Variants in IL15 observed in about 807,000 individuals in gnomAD.
IL15 encodes the protein interleukin 15, also known as interleukin-15.
A neutral mutation model predicts 19.6 loss-of-function variants in IL15; 11 were observed. That is an observed-to-expected ratio of 0.56 (90% confidence interval 0.35 to 0.93). IL15 has a LOEUF of 0.93. IL15 is among the 40% of genes least tolerant of loss of function. IL15 has a pLI of 0.01. For synonymous variants in IL15, 58 were observed against 59.6 expected, an observed-to-expected ratio of 0.97 and a Z score of 0.12; for missense variants, 197 against 186.5, an observed-to-expected ratio of 1.06 and a Z score of -0.33.
Position 141,733,006 on chromosome 4 carries a change from A to C in IL15, c.*158A>C. On this transcript the variant is annotated 3_prime_UTR_variant, in exon 8 of 8. Coordinates refer to ENST00000320650, the MANE Select transcript of IL15 (RefSeq NM_000585.5). ...GGATCAGATGAACTCTTAGAAATGAAGGCAGAAAAATGTCATTGAGTAATA... is the reference window on the plus strand; with the variant it reads ...GGATCAGATGAACTCTTAGAAATGACGGCAGAAAAATGTCATTGAGTAATA... The C allele has an allele frequency of 8.4e-7, 1 of 1,186,836 alleles. No individual in the cohort carries two copies. The highest frequency in any genetic ancestry group is 1.1e-6 in the Non-Finnish European group (1 of 892,862). 73.5% of individuals were successfully genotyped at this position (1,186,836 alleles called of 1,614,324 possible). A position where few individuals can be genotyped will look rare whatever the true frequency, so the allele number is the denominator to read the frequency against.
At chr4:141,721,803 A>G in intron 4 of IL15, 121 bp from the exon 5 acceptor site, 1 of 845,252 alleles carries the variant, frequency 1.2e-6, no homozygotes, top group East Asian at 2.5e-5. Context: ...GCACAGAAGC[A>G]AGGATAACAC....
chr4:141,650,397 A>T (rs367836421), intron 1 of IL15, among the ~76,000 whole-genome samples: 1 of 152,078 alleles, frequency 6.6e-6, no homozygotes, highest in Admixed American at 6.6e-5. Flanking sequence ...TAGTCAATAC[A>T]TATGGAGGTG....
chr4:141,720,557 T>G lies in IL15; in HGVS notation c.101T>G (p.Phe34Cys). ...CTAACTGAAGCTGGCATTCATGTCT[T>G]CATTTTGGGGTAATTTTATCTTTAG... ...HFLTEAGIHV[F>C]ILGCFSAGLP... The change falls in exon 4 of 8, where the codon TTC becomes TGC. Residue 34 changes from phenylalanine to cysteine, a missense_variant. Phe to Cys is a radical substitution (Grantham distance 205). Coordinates refer to ENST00000320650, the MANE Select transcript of IL15 (RefSeq NM_000585.5). The G allele has an allele frequency of 6.6e-7, 1 of 1,522,304 alleles. No homozygotes were observed. The highest frequency in any genetic ancestry group is 2.3e-5 in the East Asian group (1 of 44,308). 94.3% of individuals were successfully genotyped at this position (1,522,304 alleles called of 1,614,324 possible).
At chr4:141,722,617 T>C (rs1730127881) in intron 5 of IL15, among the ~76,000 whole-genome samples, 2 of 152,176 alleles carry the variant, frequency 1.3e-5, no homozygotes, top group African/African-American at 4.8e-5. Context: ...GAAGCCAAGA[T>C]ACAATTGGAA....
At chr4:141,703,941 A>G (rs1029829162) in intron 2 of IL15, among the ~76,000 whole-genome samples, 1 of 152,120 alleles carries the variant, frequency 6.6e-6, no homozygotes, top group Non-Finnish European at 1.5e-5. Context: ...TGAATTTGTT[A>G]ATTTTAAAAG....
chr4:141,704,620 T>C (rs1299885388), intron 2 of IL15: 2 of 372,316 alleles, frequency 5.4e-6, no homozygotes, highest in South Asian at 2.1e-5. Flanking sequence ...GGAGAATTGG[T>C]GTTAGTACTT....
At chr4:141,643,830 C>T (rs1727132118) in intron 1 of IL15, among the ~76,000 whole-genome samples, 1 of 151,940 alleles carries the variant, frequency 6.6e-6, no homozygotes, top group South Asian at 2.1e-4. Flanking sequence ...GACCTCTCCC[C>T]TGAACTCCAG....
chr4:141,677,506 A>G (rs1419104365), intron 2 of IL15, among the ~76,000 whole-genome samples: 1 of 152,040 alleles, frequency 6.6e-6, no homozygotes, highest in Non-Finnish European at 1.5e-5. Context: ...TTACAGGTAG[A>G]TTTTTGTCTT....
chr4:141,665,268 T>C (rs1419865140), intron 2 of IL15, among the ~76,000 whole-genome samples: 2 of 152,110 alleles, frequency 1.3e-5, no homozygotes, highest in Non-Finnish European at 2.9e-5. Context: ...GACACCCAAA[T>C]GCTAAACGTT....
chr4:141,695,529 C>G (rs914196032), intron 2 of IL15, among the ~76,000 whole-genome samples: 1 of 151,802 alleles, frequency 6.6e-6, no homozygotes, highest in Non-Finnish European at 1.5e-5. Context: ...AATAGTGCTG[C>G]GATAAACATG....
At chr4:141,713,214 A>G (rs17007564) in intron 2 of IL15, among the ~76,000 whole-genome samples, 3,236 of 152,278 alleles carry the variant, frequency 0.021, 123 homozygotes, top group African/African-American at 0.073. Context: ...GCGATTAATG[A>G]TAGGAAGATT....
chr4:141,653,853 CAA>C (rs1158532435), intron 1 of IL15, among the ~76,000 whole-genome samples: 1 of 152,154 alleles, frequency 6.6e-6, no homozygotes, highest in South Asian at 2.1e-4. Flanking sequence ...CCATAGAACA[CAA>C]GTCTCATGAG....
At chr4:141,722,450 T>C (rs1380998162) in intron 5 of IL15, among the ~76,000 whole-genome samples, 1 of 152,130 alleles carries the variant, frequency 6.6e-6, no homozygotes, top group Non-Finnish European at 1.5e-5. Flanking sequence ...GCACCAAGCA[T>C]ACCAAAATAG....
Position 141,666,116 on chromosome 4 carries a change from T to A in IL15, c.-100+9809T>A, listed in dbSNP as rs202070917. On this transcript the variant is annotated intron_variant, in intron 2 of 7. Coordinates refer to ENST00000320650, the MANE Select transcript of IL15 (RefSeq NM_000585.5). ...TATTTATTTATTTATTTATTTATTT[T>A]TTGAGACGGAGTCTCGCTCTGTCGC... Among the ~76,000 whole-genome samples the A allele has an allele frequency of 5.7e-3, 147 of 25,604 alleles. 1 individual carries two copies. Among genetic ancestry groups the A allele is most frequent in the African/African-American group, 0.019 (131 of 6,724 alleles). 16.8% of individuals were successfully genotyped at this position (25,604 alleles called of 152,430 possible). A position where few individuals can be genotyped will look rare whatever the true frequency, so the allele number is the denominator to read the frequency against.
chr4:141,694,744 A>G (rs937578249), intron 2 of IL15, among the ~76,000 whole-genome samples: 3 of 152,108 alleles, frequency 2.0e-5, no homozygotes, highest in South Asian at 2.1e-4. Flanking sequence ...CCCCTTCTCA[A>G]CATCTTGATA....
intron 2 of IL15, among the ~76,000 whole-genome samples, chr4:141,701,876 T>C (rs1729332867): frequency 6.6e-6 from 1 of 152,210 alleles, no homozygotes; most frequent in African/African-American, 2.4e-5. Flanking sequence ...TGTGTAGGAA[T>C]GTTGATGCTC....
intron 2 of IL15, among the ~76,000 whole-genome samples, chr4:141,657,273 T>G (rs936862059): frequency 6.6e-6 from 1 of 152,166 alleles, no homozygotes; most frequent in Non-Finnish European, 1.5e-5. Context: ...TTTACAATAC[T>G]GGAAGCTGCT....
rs35221404 is a variant in IL15 at position 141,720,505 on chromosome 4, T to A, written c.49T>A (p.Leu17Met). The A allele has an allele frequency of 2.7e-5, 43 of 1,598,732 alleles. No homozygotes were observed. The African/African-American group carries it at 4.0e-4, about 15-fold the overall frequency. The change falls in exon 4 of 8, where the codon TTG (leucine) becomes ATG (methionine). Residue 17 changes from leucine to methionine, a missense_variant. Physicochemically the swap from Leu to Met is conservative, Grantham distance 15. Coordinates refer to ENST00000320650, the MANE Select transcript of IL15 (RefSeq NM_000585.5). ...GAGAAGTATTTCCATCCAGTGCTAC[T>A]TGTGTTTACTTCTAAACAGTCATTT... ...HLRSISIQCY[L>M]CLLLNSHFLT... is the part of the protein sequence containing the mutation.
chr4:141,696,392 A>G (rs560133943), intron 2 of IL15, among the ~76,000 whole-genome samples: 1 of 152,144 alleles, frequency 6.6e-6, no homozygotes, highest in East Asian at 1.9e-4. Context: ...TTTTGCTCTG[A>G]ATTCCTTTGG....
Sources: gnomAD v4.1 joint callset for allele counts (sites outside exome capture counted in the v4.1 genomes callset) on GRCh38, gnomAD v4.1.1 for gene constraint, MANE v1.5 for transcripts, NCBI Gene and HGNC (gene_info 2026-07-23, HGNC 2026-07-21) for gene names.